INTS10: variants seen among roughly 807,000 people sequenced by gnomAD.
The protein encoded by INTS10 is chromosome 8 open reading frame 35.
In INTS10, 44 loss-of-function variants were observed where a neutral mutation model predicts 94.4. The observed-to-expected ratio is 0.47, with a 90% CI of 0.37 to 0.60. The LOEUF (loss-of-function observed/expected upper bound fraction) is 0.60. INTS10 is among the 20% of genes least tolerant of loss of function. The pLI is 0.00. For missense variants in INTS10, 797 were observed against 868.7 expected, an observed-to-expected ratio of 0.92 and a Z score of 1.04; for synonymous variants, 341 against 320.7, an observed-to-expected ratio of 1.06 and a Z score of -0.68.
At position 19,843,759 on chromosome 8, in the gene INTS10, C is replaced by G. The variant is rs1303719734; in HGVS notation, c.1720-317C>G. On this transcript the variant is annotated intron_variant, in intron 14 of 16. Coordinates refer to ENST00000397977, the MANE Select transcript of INTS10 (RefSeq NM_018142.4). The surrounding 1 kb of genome is among the most constrained non-coding windows in gnomAD (Gnocchi z 4.7). ...TCTTCAGATTTATTTCTCCATTACA[C>G]AGGATGAATCAGAGTTCTCTGCCCC... Among the ~76,000 whole-genome samples the G allele has an allele frequency of 1.3e-5, 2 of 152,148 alleles. No individual in the cohort carries two copies. Among genetic ancestry groups the G allele is most frequent in the Non-Finnish European group, 2.9e-5 (2 of 68,040 alleles).
In INTS10 at chr8:19,845,458, T is replaced by C. The variant is rs569478639; in HGVS notation, c.1883-246T>C. On this transcript the variant is annotated intron_variant, in intron 15 of 16. Transcript: ENST00000397977. ...CAAGAGTTATCTGTGCGAGGGAGTTTAGTGGGTATAAGAATCAGGTTTTGG... is the reference window on the plus strand; with the variant it reads ...CAAGAGTTATCTGTGCGAGGGAGTTCAGTGGGTATAAGAATCAGGTTTTGG... 8 of 497,876 alleles carry C rather than the reference T, an allele frequency of 1.6e-5. No individual in the cohort carries two copies. The East Asian group carries it at 2.3e-4, about 15-fold the overall frequency. The allele number at this position is 497,876 out of a possible 1,614,324, so 30.8% of individuals were successfully genotyped here. A position where few individuals can be genotyped will look rare whatever the true frequency, so the allele number is the denominator to read the frequency against.
At chr8:19,836,990 C>A in intron 12 of INTS10, 62 bp from the exon 13 acceptor site, 1 of 1,068,326 alleles carries the variant, frequency 9.4e-7, no homozygotes, top group Non-Finnish European at 1.5e-6. Context: ...TATTTTGGTA[C>A]TTTATTTGAT....
At chr8:19,823,518 T>C in intron 6 of INTS10, 77 bp downstream of exon 6, 1 of 989,892 alleles carries the variant, frequency 1.0e-6, no homozygotes, top group Non-Finnish European at 1.6e-6. Context: ...CTCAATGTTC[T>C]GATTATTCTC....
rs1461996392 is a variant in INTS10 at position 19,849,504 on chromosome 8, T to G, written c.1977-2145T>G. The stretch of plus-strand genomic sequence containing the variant: ...AAAGCTATATAAATCTGTATTCAAT[T>G]AAGTGCACATTAGCTTAGGTGCACC... On this transcript the variant is annotated intron_variant, in intron 16 of 16. Transcript: ENST00000397977. The surrounding 1 kb of genome is among the most constrained non-coding windows in gnomAD (Gnocchi z 4.6). Among the ~76,000 whole-genome samples, 3 of 152,236 alleles carry G rather than the reference T, an allele frequency of 2.0e-5. No homozygotes were observed. The highest frequency in any genetic ancestry group is 4.8e-5 in the African/African-American group (2 of 41,466).
At chr8:19,820,137 T>A (rs1003264493) in intron 3 of INTS10, among the ~76,000 whole-genome samples, 1 of 152,220 alleles carries the variant, frequency 6.6e-6, no homozygotes, top group Non-Finnish European at 1.5e-5. Flanking sequence ...TTGTGACCAT[T>A]CACATACATC....
At chr8:19,845,581 G>A (rs1308876165) in intron 15 of INTS10, 123 bp from the exon 16 acceptor site, 5 of 688,776 alleles carry the variant, frequency 7.3e-6, no homozygotes, top group African/African-American at 3.6e-5. Context: ...TTATCAGAGA[G>A]AACTGGCACC....
At chr8:19,825,146 T>C (rs1347802255) in intron 8 of INTS10, among the ~76,000 whole-genome samples, 174 bp downstream of exon 8, 1 of 152,228 alleles carries the variant, frequency 6.6e-6, no homozygotes, top group African/African-American at 2.4e-5. Flanking sequence ...GTAGTTTTTA[T>C]GTAAGTATAT....
chr8:19,830,902 G>T (rs2067178613), intron 10 of INTS10, among the ~76,000 whole-genome samples: 1 of 152,110 alleles, frequency 6.6e-6, no homozygotes, highest in Non-Finnish European at 1.5e-5. Context: ...TTGAACTCCT[G>T]ACCACGTGAT....
chr8:19,824,090 T>A (rs2066605723), intron 7 of INTS10, 46 bp downstream of exon 7: 5 of 1,472,680 alleles, frequency 3.4e-6, no homozygotes, highest in Non-Finnish European at 1.8e-6. Flanking sequence ...TTCTTTTGGA[T>A]CCTTATAAAA....
Position 19,844,321 on chromosome 8 carries a change from G to C in INTS10, c.1882+83G>C. 2.0e-6 allele frequency: 2 copies of C among 1,014,896 alleles called. 1 individual carries two copies. The highest frequency in any genetic ancestry group is 3.5e-5 in the South Asian group (2 of 57,880). 62.9% of individuals were successfully genotyped at this position (1,014,896 alleles called of 1,614,324 possible). On this transcript the variant is annotated intron_variant, in intron 15 of 16. Coordinates refer to ENST00000397977, the MANE Select transcript of INTS10 (RefSeq NM_018142.4). ...TGATAGAAAAAGAATGAACCATTCT[G>C]GATAGAAATAATGATTTTTACTATT...
At chr8:19,827,546 G>A (rs1043553352) in intron 9 of INTS10, among the ~76,000 whole-genome samples, 4 of 152,112 alleles carry the variant, frequency 2.6e-5, no homozygotes, top group African/African-American at 4.8e-5. Flanking sequence ...TCTGAGTAGT[G>A]CCTGGGCTGG....
At chr8:19,841,119 T>C (rs1236883601) in intron 13 of INTS10, among the ~76,000 whole-genome samples, 1 of 152,088 alleles carries the variant, frequency 6.6e-6, no homozygotes, top group East Asian at 1.9e-4. Flanking sequence ...TAAAATTCAG[T>C]GGGGGAAGAA....
At chr8:19,823,801 T>G (rs935779507) in intron 6 of INTS10, 72 bp from the exon 7 acceptor site, 1 of 1,344,156 alleles carries the variant, frequency 7.4e-7, no homozygotes, top group Non-Finnish European at 1.0e-6. Flanking sequence ...GGAGTCAGAC[T>G]TTCTTTATCA....
intron 12 of INTS10, among the ~76,000 whole-genome samples, chr8:19,834,051 T>G (rs1438679969): frequency 6.6e-6 from 1 of 152,068 alleles, no homozygotes; most frequent in Non-Finnish European, 1.5e-5. Flanking sequence ...GGGGCAGATT[T>G]ATAAATGGGT....
At chr8:19,819,857 T>C (rs1452068578) in intron 3 of INTS10, among the ~76,000 whole-genome samples, 181 bp downstream of exon 3, 1 of 152,206 alleles carries the variant, frequency 6.6e-6, no homozygotes, top group Non-Finnish European at 1.5e-5. Context: ...TAAGCTTCTT[T>C]AAAGGATATG....
In INTS10 at chr8:19,842,916, G is replaced by T; in HGVS notation, c.1708G>T (p.Ala570Ser). The change falls in exon 14 of 17, where the codon GCC becomes TCC. Residue 570 changes from alanine to serine, a missense_variant. Coordinates refer to ENST00000397977, the MANE Select transcript of INTS10 (RefSeq NM_018142.4). ...GCCATACTGCCTCCATTTAATGTTA[G>T]CCTGTTTTAAGGTAAGCTTAAAGTT... Reference protein sequence around the residue: ...IMPYCLHLMLACFKLRAFTDN... With the variant: ...IMPYCLHLMLSCFKLRAFTDN... 6.2e-7 allele frequency: 1 copy of T among 1,607,170 alleles called. No homozygotes were observed. The highest frequency in any genetic ancestry group is 8.5e-7 in the Non-Finnish European group (1 of 1,174,014).
chr8:19,844,671 T>C (rs1164058214), intron 15 of INTS10, among the ~76,000 whole-genome samples: 5 of 152,190 alleles, frequency 3.3e-5, no homozygotes, highest in Non-Finnish European at 7.3e-5. Context: ...ATAGCTGTCT[T>C]ACCTACCAAT....
At position 19,837,144 on chromosome 8, in the gene INTS10, G is replaced by A; in HGVS notation, c.1623G>A (p.Lys541=). Residue 541 remains lysine, a synonymous_variant, in exon 13 of 17, where the codon AAG becomes AAA. Coordinates refer to ENST00000397977, the MANE Select transcript of INTS10 (RefSeq NM_018142.4). ...CCCAGGAGGAACCCTCGAAAGTAAA[G>A]CCCAAATTTAGAAAAGGTACAGTGA... ...GKSQEEPSKV[K]PKFRKGSDLK... The A allele has an allele frequency of 6.2e-7, 1 of 1,608,050 alleles. No individual in the cohort carries two copies. The highest frequency in any genetic ancestry group is 8.5e-7 in the Non-Finnish European group (1 of 1,174,502).
At chr8:19,828,403 T>C (rs1169437440) in intron 9 of INTS10, among the ~76,000 whole-genome samples, 1 of 152,194 alleles carries the variant, frequency 6.6e-6, no homozygotes, top group African/African-American at 2.4e-5. Context: ...AAATGGCTGG[T>C]GCTGGGACAG....
Sources: gnomAD v4.1 joint callset for allele counts (sites outside exome capture counted in the v4.1 genomes callset) on GRCh38, gnomAD v4.1.1 for gene constraint, Gnocchi (gnomAD v3.1) non-coding constraint, MANE v1.5 for transcripts, NCBI Gene and HGNC (gene_info 2026-07-23, HGNC 2026-07-21) for gene names.